The following RS1 variants were observed in gnomAD, a reference collection of about 807,000 sequenced individuals.
RS1 encodes retinoschisin 1, also known as retinoschisin.
Under a neutral mutation model 20.8 loss-of-function variants are expected in RS1, and 2 were observed. The observed-to-expected ratio is 0.10, with a 90% CI of 0.04 to 0.30. The LOEUF (loss-of-function observed/expected upper bound fraction) is 0.30, where lower values mean the gene tolerates loss of function less well. RS1 is among the 10% of genes least tolerant of loss of function. The probability of loss-of-function intolerance (pLI) is 1.00; values close to 1 mark genes in which losing one functional copy is unlikely to be tolerated. For missense variants in RS1, 151 were observed against 189.8 expected, an observed-to-expected ratio of 0.80 and a Z score of 1.20; for synonymous variants, 70 against 75.8, an observed-to-expected ratio of 0.92 and a Z score of 0.40.
chrX:18,650,352 C>T (rs1474280546), intron 3 of RS1: 4 of 1,114,624 alleles, frequency 3.6e-6, no homozygotes, highest in African/African-American at 3.6e-5. Context: ...TGTCTGGGAG[C>T]CGATGCCTGC....
At chrX:18,645,927 G>T (rs1369475911) in intron 4 of RS1, 3 of 1,201,654 alleles carry the variant, frequency 2.5e-6, no homozygotes, top group Non-Finnish European at 3.4e-6. Flanking sequence ...GTGGGCAGAA[G>T]TGGCCAATAG....
chrX:18,653,177 T>A (rs1268917267), intron 3 of RS1, among the ~76,000 whole-genome samples: 1 of 112,495 alleles, frequency 8.9e-6, no homozygotes, highest in Non-Finnish European at 1.9e-5. Flanking sequence ...AAGGAACCAT[T>A]AGCAAACCAG....
At chrX:18,666,786 G>A (rs757145997) in intron 1 of RS1, among the ~76,000 whole-genome samples, 118 of 110,587 alleles carry the variant, frequency 1.1e-3, no homozygotes, top group Non-Finnish European at 2.1e-3. Context: ...GGCAGATTAC[G>A]CGTGGCAGGG....
intron 1 of RS1, among the ~76,000 whole-genome samples, chrX:18,662,465 C>T (rs1281025419): frequency 1.8e-5 from 2 of 110,516 alleles, no homozygotes; most frequent in East Asian, 2.8e-4. Context: ...CCCCACCCCA[C>T]GACAGGCCCC....
At chrX:18,650,599 A>G (rs1057408898) in intron 3 of RS1, 11 of 1,211,028 alleles carry the variant, frequency 9.1e-6, no homozygotes, top group South Asian at 3.5e-5. Flanking sequence ...TCCGGTAAGC[A>G]GAGACTCTAG....
intron 3 of RS1, among the ~76,000 whole-genome samples, chrX:18,654,590 G>C (rs1485187672): frequency 8.9e-6 from 1 of 111,782 alleles, no homozygotes; most frequent in East Asian, 2.8e-4. Flanking sequence ...ATAGGCACAT[G>C]TTGAAAGATG....
At chrX:18,656,794 C>T (rs762217168) in intron 2 of RS1, 36 bp from the exon 3 acceptor site, 27 of 1,102,716 alleles carry the variant, frequency 2.4e-5, no homozygotes, top group African/African-American at 3.6e-5. Context: ...AGAAAAGTCA[C>T]GGTCAAAGGC....
In RS1 at chrX:18,654,746, T is replaced by C. The variant is rs770054851; in HGVS notation, c.184+1907A>G. 2.1e-4 allele frequency among the ~76,000 whole-genome samples: 24 copies of C among 112,022 alleles called. 1 individual carries two copies. Among genetic ancestry groups the C allele is most frequent in the South Asian group, 1.1e-3 (3 of 2,678 alleles). On this transcript the variant is annotated intron_variant, in intron 3 of 5. Coordinates refer to ENST00000379984, the MANE Select transcript of RS1 (RefSeq NM_000330.4). ...GAAAAGCCCACCGGTTTCCTCACGA[T>C]TGGGACCCCATAGTTCCCTTGGAAA...
At chrX:18,659,211 T>C (rs1176712481) in intron 1 of RS1, among the ~76,000 whole-genome samples, 3 of 111,636 alleles carry the variant, frequency 2.7e-5, no homozygotes, top group African/African-American at 6.5e-5. Flanking sequence ...GGGTAGCTCA[T>C]GCCTGTAATC....
chrX:18,647,078 G>A (rs745937030), intron 4 of RS1, 113 bp downstream of exon 4: 1 of 898,420 alleles, frequency 1.1e-6, no homozygotes, highest in African/African-American at 2.0e-5. Context: ...CACCACGCCA[G>A]TTAATTTTTT....
At chrX:18,652,552 C>T (rs1928097471) in intron 3 of RS1, among the ~76,000 whole-genome samples, 1 of 111,469 alleles carries the variant, frequency 9.0e-6, no homozygotes, top group Non-Finnish European at 1.9e-5. Flanking sequence ...ACCTGTAATC[C>T]CAGCTACTTG....
At chrX:18,647,425 C>A in intron 3 of RS1, 93 bp from the exon 4 acceptor site, 1 of 990,928 alleles carries the variant, frequency 1.0e-6, no homozygotes, top group Non-Finnish European at 1.4e-6. Context: ...ATCTGCTTTG[C>A]GCTTCGGAGA....
chrX:18,646,163 CCTTT>C, intron 4 of RS1: 6 of 1,184,188 alleles, frequency 5.1e-6, no homozygotes, highest in Admixed American at 2.2e-5. Flanking sequence ...TTTTTTTTTT[CCTTT>C]CTGAGACAGA....
At chrX:18,668,856 G>A (rs752911011) in intron 1 of RS1, among the ~76,000 whole-genome samples, 3 of 112,022 alleles carry the variant, frequency 2.7e-5, no homozygotes, top group Non-Finnish European at 1.9e-5. Context: ...AATGGGGAGC[G>A]AGGGCTTAAT....
At chrX:18,660,414 G>T (rs1203397944) in intron 1 of RS1, among the ~76,000 whole-genome samples, 1 of 110,820 alleles carries the variant, frequency 9.0e-6, no homozygotes, top group Non-Finnish European at 1.9e-5. Flanking sequence ...TTGCCATATT[G>T]CTCAGGCTGG....
chrX:18,645,149 G>GT (rs1392128590), intron 4 of RS1, among the ~76,000 whole-genome samples: 2 of 112,374 alleles, frequency 1.8e-5, no homozygotes, highest in Non-Finnish European at 3.8e-5. Context: ...CAACTAAGTT[G>GT]TTTTTTTAGC....
rs186480889 is a variant in RS1, at chrX:18,646,985, C to T, written c.326+206G>A. On this transcript the variant is annotated intron_variant, in intron 4 of 5. Transcript: ENST00000379984. ...AGGCTGTAGTGCAGTGGTGTGATCT[C>T]GGCTCACTGTAACCTCCGCTTCCCA... 4.8e-4 allele frequency among the ~76,000 whole-genome samples: 52 copies of T among 109,161 alleles called. No homozygotes were observed. In the East Asian group the frequency reaches 0.014, roughly 29 times the overall value. The allele number at this position is 109,161 out of a possible 115,157, so 94.8% of individuals were successfully genotyped here. A position where few individuals can be genotyped will look rare whatever the true frequency, so the allele number is the denominator to read the frequency against.
In RS1 at chrX:18,653,526, G is replaced by A. The variant is rs942884617; in HGVS notation, c.184+3127C>T. ...CGCTCCTGACATACCATGAGAATGC[G>A]GCACTGACGGGCAAGTGACTTCTGC... On this transcript the variant is annotated intron_variant, in intron 3 of 5. Coordinates refer to ENST00000379984, the MANE Select transcript of RS1 (RefSeq NM_000330.4). The A allele has an allele frequency of 6.6e-6, 8 of 1,210,228 alleles. No homozygotes were observed. Among genetic ancestry groups the A allele is most frequent in the East Asian group, 3.0e-5 (1 of 33,763 alleles).
intron 1 of RS1, among the ~76,000 whole-genome samples, chrX:18,666,699 C>T (rs1928410211): frequency 9.0e-6 from 1 of 111,080 alleles, no homozygotes; most frequent in Admixed American, 9.6e-5. Context: ...GCTGGCTTGG[C>T]CCAGGGTGGT....
Sources: gnomAD v4.1 joint callset for allele counts (sites outside exome capture counted in the v4.1 genomes callset) on GRCh38, gnomAD v4.1.1 for gene constraint, MANE v1.5 for transcripts, NCBI Gene and HGNC (gene_info 2026-07-23, HGNC 2026-07-21) for gene names.